PLCG2: variants seen among roughly 807,000 people sequenced by gnomAD.
PLCG2 encodes the protein 1-phosphatidylinositol 4,5-bisphosphate phosphodiesterase gamma-2.
In PLCG2, 69 loss-of-function variants were observed where a neutral mutation model predicts 175.6. That is an observed-to-expected ratio of 0.39 (90% CI 0.32 to 0.48). The LOEUF is 0.48. Ranked by LOEUF, PLCG2 falls within the 20% of genes least tolerant of loss-of-function variation. The probability of loss-of-function intolerance (pLI) is 0.91; values close to 1 mark genes in which losing one functional copy is unlikely to be tolerated. For synonymous variants in PLCG2, 827 were observed against 624.0 expected, an observed-to-expected ratio of 1.33 and a Z score of -4.85; for missense variants, 1,798 against 1,650.9, an observed-to-expected ratio of 1.09 and a Z score of -1.54.
chr16:81,928,187 A>G (rs550202114), intron 23 of PLCG2, among the ~76,000 whole-genome samples: 51 of 152,264 alleles, frequency 3.3e-4, no homozygotes, highest in African/African-American at 1.2e-3. Flanking sequence ...GGGGAGCCAC[A>G]GAAGGTTCTT....
chr16:81,954,959 G>A (rs1911509495), intron 31 of PLCG2, among the ~76,000 whole-genome samples: 1 of 152,206 alleles, frequency 6.6e-6, no homozygotes, highest in South Asian at 2.1e-4. Context: ...CCCACCGACA[G>A]TGTAAAAGTG....
At chr16:81,764,325 A>G (rs570288033) in intron 2 of PLCG2, among the ~76,000 whole-genome samples, 100 of 152,272 alleles carry the variant, frequency 6.6e-4, no homozygotes, top group African/African-American at 2.4e-3. Flanking sequence ...AGTAATAAAA[A>G]GTGAAAAGTT....
chr16:81,806,752 A>G (rs1268954785), intron 2 of PLCG2, among the ~76,000 whole-genome samples: 1 of 152,010 alleles, frequency 6.6e-6, no homozygotes, highest in African/African-American at 2.4e-5. Flanking sequence ...CTGGCATTTG[A>G]GCAAAGGCTT....
intron 7 of PLCG2, among the ~76,000 whole-genome samples, chr16:81,875,395 A>G (rs1451626343): frequency 1.3e-5 from 2 of 152,202 alleles, no homozygotes; most frequent in Non-Finnish European, 1.5e-5. Context: ...TGTTTACTGC[A>G]GGGTAGTAAG....
rs555442516 is a variant in PLCG2 at position 81,802,615 on chromosome 16, G to C, written c.193+16433G>C. On this transcript the variant is annotated intron_variant, in intron 2 of 32. Coordinates refer to ENST00000564138, the MANE Select transcript of PLCG2 (RefSeq NM_002661.5). The stretch of plus-strand genomic sequence containing the variant: ...TGAGTGGAGTTTCACTCTTGTCGCC[G>C]GGCTGGAGTGCAGTGGCGCAATCTC... Among the ~76,000 whole-genome samples, 17 of 149,502 alleles carry C rather than the reference G, an allele frequency of 1.1e-4. No homozygotes were observed. The South Asian group carries it at 3.6e-3, about 32-fold the overall frequency.
At chr16:81,862,966 C>T (rs1344785794) in intron 5 of PLCG2, among the ~76,000 whole-genome samples, 1 of 152,112 alleles carries the variant, frequency 6.6e-6, no homozygotes, top group Admixed American at 6.5e-5. Flanking sequence ...TCTTCCCTTC[C>T]CCACCCTGAC....
intron 2 of PLCG2, among the ~76,000 whole-genome samples, chr16:81,832,909 G>A (rs550797357): frequency 6.6e-6 from 1 of 152,324 alleles, no homozygotes; most frequent in East Asian, 1.9e-4. Context: ...TGAGGCCCAG[G>A]CAGCCAGTGG....
At chr16:81,921,427 A>G in intron 21 of PLCG2, 158 bp downstream of exon 21, 1 of 684,208 alleles carries the variant, frequency 1.5e-6, no homozygotes, top group African/African-American at 1.8e-5. Context: ...GATGATTGAT[A>G]ATATCAAGCC....
chr16:81,854,318 G>A, intron 2 of PLCG2, 126 bp from the exon 3 acceptor site: 2 of 838,432 alleles, frequency 2.4e-6, no homozygotes, highest in Non-Finnish European at 4.0e-6. Flanking sequence ...CAGACGCAGA[G>A]ATAGCTTTGC....
intron 5 of PLCG2, among the ~76,000 whole-genome samples, chr16:81,866,429 C>A (rs535364015): frequency 1.2e-5 from 1 of 83,902 alleles, no homozygotes; most frequent in South Asian, 5.5e-4. Flanking sequence ...ATGAGCTCCA[C>A]TGGGGCACCA....
At chr16:81,946,335 T>A (rs564191697) in intron 31 of PLCG2, 72 bp downstream of exon 31, 49 of 1,060,638 alleles carry the variant, frequency 4.6e-5, no homozygotes, top group Non-Finnish European at 7.1e-5. Context: ...GGCCCGTGAA[T>A]ACAATTGGCA....
chr16:81,771,044 C>T (rs1300129823), intron 2 of PLCG2, among the ~76,000 whole-genome samples: 42 of 132,052 alleles, frequency 3.2e-4, no homozygotes, highest in African/African-American at 1.2e-3. Context: ...GGTGACAGAG[C>T]GAGACTCCAT....
intron 2 of PLCG2, among the ~76,000 whole-genome samples, chr16:81,764,312 A>G (rs1910099186): frequency 6.6e-6 from 1 of 152,150 alleles, no homozygotes; most frequent in Admixed American, 6.6e-5. Flanking sequence ...AAATAAATAA[A>G]TAAGTAATAA....
At chr16:81,740,238 T>A (rs1909560079) in intron 1 of PLCG2, 1 of 151,862 alleles carries the variant, frequency 6.6e-6, no homozygotes, top group Non-Finnish European at 1.5e-5. Flanking sequence ...TTTCTTCTAG[T>A]GACATTTACT....
chr16:81,795,500 C>G, intron 2 of PLCG2, among the ~76,000 whole-genome samples: 1 of 152,178 alleles, frequency 6.6e-6, no homozygotes, highest in East Asian at 1.9e-4. Context: ...AAATCATGAT[C>G]CAGTGGGATT....
At chr16:81,796,026 A>G (rs1023215209) in intron 2 of PLCG2, among the ~76,000 whole-genome samples, 1 of 152,206 alleles carries the variant, frequency 6.6e-6, no homozygotes, top group Admixed American at 6.5e-5. Context: ...AGGCAGCTCT[A>G]GGTGCCCCAG....
At chr16:81,898,167 A>G (rs998547551) in intron 13 of PLCG2, 1 of 205,626 alleles carries the variant, frequency 4.9e-6, no homozygotes, top group Non-Finnish European at 1.0e-5. Context: ...ACATTATCTC[A>G]TTCATGACTA....
intron 2 of PLCG2, among the ~76,000 whole-genome samples, chr16:81,819,009 C>G (rs1762610368): frequency 6.6e-6 from 1 of 151,052 alleles, no homozygotes; most frequent in African/African-American, 2.4e-5. Flanking sequence ...TCTAGGCCCA[C>G]CATGAGGCAG....
intron 1 of PLCG2, among the ~76,000 whole-genome samples, chr16:81,782,803 C>T (rs1443072999): frequency 5.3e-5 from 8 of 152,124 alleles, no homozygotes; most frequent in African/African-American, 1.9e-4. Context: ...GGTAAGGGCC[C>T]CTCCAACAGT....
Sources: gnomAD v4.1 joint callset for allele counts (sites outside exome capture counted in the v4.1 genomes callset) on GRCh38, gnomAD v4.1.1 for gene constraint, MANE v1.5 for transcripts, NCBI Gene and HGNC (gene_info 2026-07-23, HGNC 2026-07-21) for gene names.